The following MDH1B variants were observed in gnomAD, a reference collection of about 807,000 sequenced individuals.
MDH1B encodes putative malate dehydrogenase 1B.
A neutral mutation model predicts 61.4 loss-of-function variants in MDH1B; 60 were observed. The observed-to-expected ratio is 0.98, with a 90% CI of 0.79 to 1.21. MDH1B has a LOEUF of 1.21. Ranked by LOEUF, MDH1B falls within the 50% of genes most tolerant of loss-of-function variation. The probability of loss-of-function intolerance (pLI) is 0.00; values close to 1 mark genes in which losing one functional copy is unlikely to be tolerated. For missense variants in MDH1B, 587 were observed against 632.1 expected (o/e 0.93, Z 0.76); for synonymous variants, 236 against 218.7 (o/e 1.08, Z -0.70).
rs1413880769 is a variant in MDH1B at position 206,755,125 on chromosome 2, G to C, written c.794C>G (p.Thr265Arg). 6.2e-7 allele frequency: 1 copy of C among 1,614,206 alleles called. No individual in the cohort carries two copies. The highest frequency in any genetic ancestry group is 1.7e-5 in the Admixed American group (1 of 60,022). The change falls in exon 5 of 12, where the codon ACA (threonine) becomes AGA (arginine). Residue 265 changes from threonine to arginine, a missense_variant. Coordinates refer to ENST00000374412, the MANE Select transcript of MDH1B (RefSeq NM_001039845.3). ...VGGRTFVNLK[T>R]VLLMRYAPRI... ...TGGGGCATATCTCATGAGTAAAACTGTCTTCAGGTTTACAAAGGTTCTCCC... is the reference window on the plus strand; with the variant it reads ...TGGGGCATATCTCATGAGTAAAACTCTCTTCAGGTTTACAAAGGTTCTCCC...
Position 206,738,471 on chromosome 2 carries a change from C to A in MDH1B, c.*12G>T. ...CTATCAAGTAATTATATATTTCATC[C>A]AATTTGATCTGTTAGGATTCCACGG... On this transcript the variant is annotated 3_prime_UTR_variant, in exon 12 of 12. Transcript: ENST00000374412. 1 of 1,551,944 alleles carries A rather than the reference C, an allele frequency of 6.4e-7. No homozygotes were observed. The highest frequency in any genetic ancestry group is 8.8e-7 in the Non-Finnish European group (1 of 1,136,718).
intron 9 of MDH1B, among the ~76,000 whole-genome samples, chr2:206,743,574 C>T (rs1357844125): frequency 1.3e-5 from 2 of 152,200 alleles, no homozygotes; most frequent in Non-Finnish European, 2.9e-5. Flanking sequence ...TAGTCCAGAT[C>T]TTTCTGAGCT....
At chr2:206,763,765 C>T (rs192891585) in intron 1 of MDH1B, among the ~76,000 whole-genome samples, 4 of 152,258 alleles carry the variant, frequency 2.6e-5, no homozygotes, top group Admixed American at 6.5e-5. Context: ...CTTGCTCTAA[C>T]CCCACTCCCA....
In MDH1B at chr2:206,757,335, T is replaced by C; in HGVS notation, c.172A>G (p.Ser58Gly). ...CAGATGATAGGGGAATTCTTGTGAC[T>C]CCACTTATTCTTTTCACACACATCT... is the stretch of plus-strand genomic sequence containing the variant. ...LKDVCEKNKW[S>G]HKNSPIIWRE... Residue 58 changes from serine to glycine, a missense_variant, in exon 3 of 12, where the codon AGT becomes GGT. By Grantham distance (56) the Ser-to-Gly change is moderately conservative. Coordinates refer to ENST00000374412, the MANE Select transcript of MDH1B (RefSeq NM_001039845.3). 2.5e-6 allele frequency: 4 copies of C among 1,613,900 alleles called. No homozygotes were observed. The highest frequency in any genetic ancestry group is 3.4e-6 in the Non-Finnish European group (4 of 1,179,910).
At chr2:206,754,914 C>T (rs1688665118) in intron 5 of MDH1B, 95 bp downstream of exon 5, 1 of 1,350,270 alleles carries the variant, frequency 7.4e-7, no homozygotes, top group South Asian at 1.4e-5. Context: ...TCCAGATACT[C>T]AGAATGTTCC....
At chr2:206,748,939 T>C (rs1461350991) in intron 7 of MDH1B, 81 bp downstream of exon 7, 2 of 1,229,836 alleles carry the variant, frequency 1.6e-6, no homozygotes, top group Non-Finnish European at 2.3e-6. Context: ...AAGAGCTAGA[T>C]GGGTGGGGAC....
At chr2:206,740,396 G>A (rs1687741253) in intron 10 of MDH1B, among the ~76,000 whole-genome samples, 1 of 152,110 alleles carries the variant, frequency 6.6e-6, no homozygotes, top group Non-Finnish European at 1.5e-5. Flanking sequence ...AAGTGGAAAT[G>A]GATCATCATA....
chr2:206,751,936 T>G (rs1330390259), intron 5 of MDH1B, among the ~76,000 whole-genome samples: 6 of 152,240 alleles, frequency 3.9e-5, no homozygotes, highest in Non-Finnish European at 7.3e-5. Context: ...GAGATTAACT[T>G]CTTCCCTCTT....
At chr2:206,745,516 C>A (rs937267247) in intron 9 of MDH1B, 106 bp downstream of exon 9, 6 of 865,688 alleles carry the variant, frequency 6.9e-6, no homozygotes, top group Middle Eastern at 2.4e-4. Context: ...TTAGAAATGA[C>A]AAAATATAAA....
chr2:206,755,497 G>A lies in MDH1B; in HGVS notation c.422C>T (p.Ala141Val), dbSNP rs536366819. The change falls in exon 5 of 12, where the codon GCT (alanine) becomes GTT (valine). Residue 141 changes from alanine (A) to valine (V), a missense_variant. Transcript: ENST00000374412. Reference protein sequence around the residue: ...PLQVWITSASAPACYNLIPIL... With the variant: ...PLQVWITSASVPACYNLIPIL... ...GGGAATTAGGTTGTAGCAGGCAGGA[G>A]CAGAGGCACTGATAAAAATGCAAAG... The A allele has an allele frequency of 6.2e-7, 1 of 1,610,126 alleles. No individual in the cohort carries two copies. Among genetic ancestry groups the A allele is most frequent in the East Asian group, 2.2e-5 (1 of 44,868 alleles).
chr2:206,738,432 C>T lies in MDH1B; in HGVS notation c.*51G>A, dbSNP rs1388203352. ...ATATAGACATTCATATAAATTCTTT[C>T]TATGTTTATTGTGCTATCAAGTAAT... On this transcript the variant is annotated 3_prime_UTR_variant, in exon 12 of 12. Coordinates refer to ENST00000374412, the MANE Select transcript of MDH1B (RefSeq NM_001039845.3). 1 of 1,323,060 alleles carries T rather than the reference C, an allele frequency of 7.6e-7. No individual in the cohort carries two copies. Among genetic ancestry groups the T allele is most frequent in the African/African-American group, 1.5e-5 (1 of 66,292 alleles). 82.0% of individuals were successfully genotyped at this position (1,323,060 alleles called of 1,614,324 possible). A position where few individuals can be genotyped will look rare whatever the true frequency, so the allele number is the denominator to read the frequency against.
At chr2:206,761,574 T>C (rs1689094646) in intron 1 of MDH1B, among the ~76,000 whole-genome samples, 1 of 152,138 alleles carries the variant, frequency 6.6e-6, no homozygotes, top group Non-Finnish European at 1.5e-5. Context: ...TTGTAGTGTG[T>C]CTAAGTGGAT....
At chr2:206,745,739 T>C (rs1688070292) in intron 8 of MDH1B, 66 bp from the exon 9 acceptor site, 11 of 1,265,448 alleles carry the variant, frequency 8.7e-6, no homozygotes, top group East Asian at 2.4e-5. Context: ...TCTTTTTTTT[T>C]TTTTTTTTTT....
intron 11 of MDH1B, among the ~76,000 whole-genome samples, chr2:206,738,847 T>A (rs2105911951): frequency 6.6e-6 from 1 of 152,238 alleles, no homozygotes; most frequent in East Asian, 1.9e-4. Flanking sequence ...CAATTCTAAT[T>A]CCCCCTGATT....
At chr2:206,757,141 G>T in intron 3 of MDH1B, 96 bp downstream of exon 3, 1 of 1,516,828 alleles carries the variant, frequency 6.6e-7, no homozygotes, top group South Asian at 1.2e-5. Context: ...ACAATAAAAA[G>T]AGACATGAGA....
chr2:206,761,210 G>A (rs1048555587), intron 1 of MDH1B, among the ~76,000 whole-genome samples, 197 bp from the exon 2 acceptor site: 3 of 152,002 alleles, frequency 2.0e-5, no homozygotes, highest in Non-Finnish European at 4.4e-5. Context: ...TTCATAGGAG[G>A]TCAGAATCTT....
intron 9 of MDH1B, chr2:206,745,241 C>T: frequency 3.0e-6 from 1 of 337,158 alleles, no homozygotes; most frequent in South Asian, 2.3e-5. Context: ...GGAATTCTTT[C>T]TCAAGCCTTC....
At chr2:206,741,521 T>A (rs368467974) in intron 9 of MDH1B, 1 of 211,424 alleles carries the variant, frequency 4.7e-6, no homozygotes, top group South Asian at 6.8e-5. Context: ...AAGGTGAGAA[T>A]TGCCTAGCCT....
At chr2:206,750,179 T>C (rs1199182202) in intron 6 of MDH1B, among the ~76,000 whole-genome samples, 1 of 151,758 alleles carries the variant, frequency 6.6e-6, no homozygotes, top group Non-Finnish European at 1.5e-5. Context: ...GCTGCAAAGT[T>C]TAGAAAAAAT....
Sources: gnomAD v4.1 joint callset for allele counts (sites outside exome capture counted in the v4.1 genomes callset) on GRCh38, gnomAD v4.1.1 for gene constraint, MANE v1.5 for transcripts, NCBI Gene and HGNC (gene_info 2026-07-23, HGNC 2026-07-21) for gene names.